Variants in LOXHD1 observed in about 807,000 individuals in gnomAD.
LOXHD1 encodes lipoxygenase homology domain-containing protein 1.
A neutral mutation model predicts 248.2 loss-of-function variants in LOXHD1; 205 were observed. That is an observed-to-expected ratio of 0.83 (90% CI 0.74 to 0.93). The LOEUF is 0.93. Among genes scored for constraint, LOXHD1 ranks in the 40% least tolerant of loss-of-function variants. The pLI, the probability that LOXHD1 is intolerant of heterozygous loss-of-function variation, is 0.00. For missense variants in LOXHD1, 2,930 were observed against 2,971.6 expected (o/e 0.99, Z 0.33); for synonymous variants, 1,113 against 1,162.8 (o/e 0.96, Z 0.87).
At chr18:46,566,543 A>C in intron 16 of LOXHD1, 94 bp from the exon 17 acceptor site, 3 of 1,084,674 alleles carry the variant, frequency 2.8e-6, no homozygotes, top group Non-Finnish European at 4.0e-6. Flanking sequence ...CACAAAACAC[A>C]ACCCAGGTCT....
intron 21 of LOXHD1, among the ~76,000 whole-genome samples, chr18:46,550,581 A>AAAAAAAAAAG (rs2037057613): frequency 7.4e-6 from 1 of 135,166 alleles, no homozygotes; most frequent in Non-Finnish European, 1.5e-5. Flanking sequence ...CTCCGTCTCA[A>AAAAAAAAAAG]AAAAAAAAAA....
At chr18:46,656,848 C>A in intron 1 of LOXHD1, 56 bp downstream of exon 1, 2 of 1,536,500 alleles carry the variant, frequency 1.3e-6, no homozygotes, top group Non-Finnish European at 8.8e-7. Flanking sequence ...AGGAACAGAC[C>A]CCTGCCCACC....
intron 29 of LOXHD1, among the ~76,000 whole-genome samples, chr18:46,525,841 C>T (rs549345366): frequency 4.0e-4 from 61 of 152,100 alleles, no homozygotes; most frequent in Non-Finnish European, 7.2e-4. Context: ...ATGCCCTCTG[C>T]CCCCAGGACC....
rs567280048 is a variant in LOXHD1 at position 46,625,544 on chromosome 18, T to G, written c.512-7254A>C. ...AAATCTTATGCTTTAAGAAAGTTTA[T>G]GAATTTTTGTTGGGCTACATTCAAA... On this transcript the variant is annotated intron_variant, in intron 4 of 40. Transcript: ENST00000642948. Among the ~76,000 whole-genome samples the G allele has an allele frequency of 2.0e-5, 3 of 152,150 alleles. No individual in the cohort carries two copies. In the South Asian group the frequency reaches 6.2e-4, roughly 32 times the overall value.
At chr18:46,538,030 G>A (rs1404027503) in intron 26 of LOXHD1, 126 bp downstream of exon 26, 1 of 847,728 alleles carries the variant, frequency 1.2e-6, no homozygotes, top group South Asian at 2.3e-5. Context: ...AGGATGAGCT[G>A]CTCACCTTCC....
In LOXHD1 at chr18:46,518,231, G is replaced by C. The variant is rs1396358491; in HGVS notation, c.5297C>G (p.Thr1766Arg). 2 of 1,551,510 alleles carry C rather than the reference G, an allele frequency of 1.3e-6. No homozygotes were observed. The highest frequency in any genetic ancestry group is 1.4e-5 in the African/African-American group (1 of 73,020). The stretch of plus-strand genomic sequence containing the variant: ...AGTGCCCCCGCCAACCACATCCCCT[G>C]TCCACACCGTCATTTCATAGAGAAC... ...VKVLYEMTVWTGDVVGGGTDS... is the reference protein window; with the variant it reads ...VKVLYEMTVWRGDVVGGGTDS... The change falls in exon 34 of 41, where the codon ACA becomes AGA. Residue 1766 changes from threonine (T) to arginine (R), a missense_variant. Transcript: ENST00000642948.
chr18:46,643,234 T>C (rs1028735135), intron 2 of LOXHD1, among the ~76,000 whole-genome samples: 1 of 152,122 alleles, frequency 6.6e-6, no homozygotes, highest in Non-Finnish European at 1.5e-5. Context: ...GGATGCAGCC[T>C]GGGTGCAAAG....
chr18:46,560,043 GC>G, intron 19 of LOXHD1, 39 bp downstream of exon 19: 1 of 1,401,426 alleles, frequency 7.1e-7, no homozygotes, highest in Non-Finnish European at 9.8e-7. Context: ...GAACTGTCTG[GC>G]CACTCCCTCC....
intron 1 of LOXHD1, among the ~76,000 whole-genome samples, chr18:46,650,041 C>T (rs1389659122): frequency 1.3e-5 from 2 of 152,066 alleles, no homozygotes; most frequent in Non-Finnish European, 2.9e-5. Flanking sequence ...GAAGCAACTC[C>T]TGGAATCACA....
At chr18:46,642,086 C>T in intron 2 of LOXHD1, 50 bp from the exon 3 acceptor site, 2 of 1,511,434 alleles carry the variant, frequency 1.3e-6, no homozygotes, top group East Asian at 5.0e-5. Context: ...GCTCACAGGC[C>T]TGGGAGGAGA....
chr18:46,572,099 G>A lies in LOXHD1; in HGVS notation c.2034C>T (p.Ser678=), dbSNP rs151259097. ...LVRELLPSDS[S]ATLKNFRYHI... is the part of the protein sequence containing the mutation. The stretch of plus-strand genomic sequence containing the variant: ...AGGACAACTCACTCTTCAGTGTCGC[G>A]CTGCTGTCACTGGGTAGCAACTCTC... Residue 678 remains serine, a synonymous_variant, in exon 15 of 41, where the codon AGC becomes AGT. Coordinates refer to ENST00000642948, the MANE Select transcript of LOXHD1 (RefSeq NM_001384474.1). 5.1e-5 allele frequency: 79 copies of A among 1,551,748 alleles called. 1 individual carries two copies. Among genetic ancestry groups the A allele is most frequent in the Middle Eastern group, 3.3e-4 (2 of 5,994 alleles).
chr18:46,518,832 A>T, intron 33 of LOXHD1: 1 of 968,942 alleles, frequency 1.0e-6, no homozygotes, highest in Non-Finnish European at 1.2e-6. Flanking sequence ...CAGCCTGCAC[A>T]TGCCCTGCAG....
At chr18:46,583,067 T>C (rs2144169706) in intron 12 of LOXHD1, among the ~76,000 whole-genome samples, 1 of 152,302 alleles carries the variant, frequency 6.6e-6, no homozygotes, top group South Asian at 2.1e-4. Context: ...AAATGGATAA[T>C]GGATCTAACT....
intron 19 of LOXHD1, among the ~76,000 whole-genome samples, chr18:46,559,825 G>A (rs1047340940): frequency 1.3e-5 from 2 of 152,146 alleles, no homozygotes; most frequent in African/African-American, 4.8e-5. Context: ...CAGTTGTATT[G>A]AGTCATATCA....
At chr18:46,565,254 C>T (rs979808485) in intron 17 of LOXHD1, among the ~76,000 whole-genome samples, 7 of 120,640 alleles carry the variant, frequency 5.8e-5, no homozygotes, top group Non-Finnish European at 1.1e-4. Flanking sequence ...GAGTAAGGCT[C>T]TGTCTCAAAA....
At chr18:46,553,238 G>C (rs1314423634) in intron 21 of LOXHD1, among the ~76,000 whole-genome samples, 1 of 152,220 alleles carries the variant, frequency 6.6e-6, no homozygotes, top group Non-Finnish European at 1.5e-5. Context: ...AACTACTGCT[G>C]TGTTGCACTG....
chr18:46,612,830 A>C (rs2038528561), intron 5 of LOXHD1, among the ~76,000 whole-genome samples: 1 of 152,146 alleles, frequency 6.6e-6, no homozygotes, highest in Non-Finnish European at 1.5e-5. Flanking sequence ...ATATGGTTAG[A>C]CAATTGTTCA....
Position 46,557,404 on chromosome 18 carries a change from CCTG to C in LOXHD1, c.3299_3301del (p.Ala1100del). The C allele has an allele frequency of 1.3e-6, 2 of 1,552,352 alleles. No homozygotes were observed. ...AATGTCTATTCTGTCCAGGAACCAG[CCTG>C]CTCTGTTGCCTGTGTTGTCGTGGCG... On this transcript the variant is annotated inframe_deletion, in exon 21 of 41. Transcript: ENST00000642948.
At chr18:46,573,818 G>A (rs1467087269) in intron 14 of LOXHD1, among the ~76,000 whole-genome samples, 2 of 152,124 alleles carry the variant, frequency 1.3e-5, no homozygotes, top group Non-Finnish European at 2.9e-5. Context: ...AATGTTAGAC[G>A]ACAACTAGGC....
Sources: gnomAD v4.1 joint callset for allele counts (sites outside exome capture counted in the v4.1 genomes callset) on GRCh38, gnomAD v4.1.1 for gene constraint, MANE v1.5 for transcripts, NCBI Gene and HGNC (gene_info 2026-07-23, HGNC 2026-07-21) for gene names.